Variants in KCNIP1 observed in about 807,000 individuals in gnomAD.
KCNIP1 encodes the protein A-type potassium channel modulatory protein KCNIP1.
In KCNIP1, 18 loss-of-function variants were observed where a neutral mutation model predicts 33.0. The observed-to-expected ratio is 0.55, with a 90% CI of 0.38 to 0.81. The LOEUF (loss-of-function observed/expected upper bound fraction) is 0.81. Among genes scored for constraint, KCNIP1 ranks in the 30% least tolerant of loss-of-function variants. KCNIP1 has a pLI of 0.00. For synonymous variants in KCNIP1, 93 were observed against 98.3 expected (o/e 0.95, Z 0.32); for missense variants, 238 against 271.6 (o/e 0.88, Z 0.87).
intron 3 of KCNIP1, 25 bp downstream of exon 3, chr5:170,720,415 T>C: frequency 6.4e-7 from 1 of 1,567,930 alleles, no homozygotes; most frequent in Non-Finnish European, 8.8e-7. Flanking sequence ...GAAATCTATC[T>C]TGCCCAGCTC....
chr5:170,410,906 C>T (rs1156829571), intron 1 of KCNIP1, among the ~76,000 whole-genome samples: 2 of 152,114 alleles, frequency 1.3e-5, no homozygotes, highest in Non-Finnish European at 2.9e-5. Flanking sequence ...CAGAGTCCTG[C>T]CTTTTACTGT....
rs1755935652 is a variant in KCNIP1 at position 170,439,373 on chromosome 5, T to TGAG, written c.88+85412_88+85414dup. On this transcript the variant is annotated intron_variant, in intron 1 of 7. Transcript: ENST00000377360. ...AACCTGGCAGGCAGGCAGGCACAAG[T>TGAG]GAGGAACAAGGGCCCCGGGCTGGGC... Among the ~76,000 whole-genome samples the TGAG allele has an allele frequency of 2.0e-5, 3 of 152,124 alleles. No homozygotes were observed. The South Asian group carries it at 6.2e-4, about 32-fold the overall frequency.
chr5:170,580,974 T>A (rs1044485075), intron 1 of KCNIP1, among the ~76,000 whole-genome samples: 4 of 152,198 alleles, frequency 2.6e-5, no homozygotes, highest in African/African-American at 7.2e-5. Flanking sequence ...CAGATACAGA[T>A]GACCCAAATA....
At chr5:170,693,088 G>A (rs1477688874) in intron 1 of KCNIP1, among the ~76,000 whole-genome samples, 1 of 152,188 alleles carries the variant, frequency 6.6e-6, no homozygotes, top group East Asian at 1.9e-4. Context: ...CCTTTTTATT[G>A]CAGAGGGAAT....
chr5:170,635,558 A>G (rs769790865), intron 1 of KCNIP1, among the ~76,000 whole-genome samples: 8 of 152,204 alleles, frequency 5.3e-5, no homozygotes, highest in Non-Finnish European at 1.0e-4. Flanking sequence ...GTAGCTGTAT[A>G]CTAACCCTAG....
intron 1 of KCNIP1, among the ~76,000 whole-genome samples, chr5:170,510,081 A>G (rs889322538): frequency 6.6e-6 from 1 of 151,878 alleles, no homozygotes; most frequent in East Asian, 1.9e-4. Context: ...CTCTTCCTCC[A>G]TCTCCTCATT....
intron 1 of KCNIP1, among the ~76,000 whole-genome samples, chr5:170,713,278 T>A (rs1034548949): frequency 1.3e-5 from 2 of 152,260 alleles, no homozygotes; most frequent in Non-Finnish European, 2.9e-5. Flanking sequence ...TATTTCATAT[T>A]TATTTCCTAT....
intron 1 of KCNIP1, among the ~76,000 whole-genome samples, chr5:170,495,866 G>A (rs10066862): frequency 0.045 from 6,885 of 152,278 alleles, 378 homozygotes; most frequent in African/African-American, 0.13. Flanking sequence ...CACGAGGGCA[G>A]CTGAGACTCT....
chr5:170,472,675 C>T (rs898700741), intron 1 of KCNIP1, among the ~76,000 whole-genome samples: 11 of 146,052 alleles, frequency 7.5e-5, no homozygotes, highest in African/African-American at 2.3e-4. Flanking sequence ...TGAGAACATA[C>T]GACGTTTGGT....
intron 1 of KCNIP1, among the ~76,000 whole-genome samples, chr5:170,496,346 G>T (rs1757310718): frequency 6.6e-6 from 1 of 152,358 alleles, no homozygotes; most frequent in East Asian, 1.9e-4. Flanking sequence ...GGCAAGAGCA[G>T]CAGGAGGACT....
chr5:170,720,173 C>T, intron 2 of KCNIP1, 148 bp from the exon 3 acceptor site: 1 of 640,716 alleles, frequency 1.6e-6, no homozygotes. Flanking sequence ...CAGCTCCAGT[C>T]CTGAGATGGC....
chr5:170,428,054 A>G (rs1457412809), intron 1 of KCNIP1, among the ~76,000 whole-genome samples: 2 of 152,226 alleles, frequency 1.3e-5, no homozygotes, highest in African/African-American at 2.4e-5. Context: ...ACCATGCTCA[A>G]CTATTCCCTG....
chr5:170,355,915 G>A (rs1028345229), intron 1 of KCNIP1, among the ~76,000 whole-genome samples: 19 of 152,214 alleles, frequency 1.2e-4, no homozygotes, highest in Non-Finnish European at 1.2e-4. Flanking sequence ...TGTCTTAACC[G>A]CATCTGTCTT....
chr5:170,537,800 C>A (rs1461217062), intron 1 of KCNIP1, among the ~76,000 whole-genome samples: 1 of 152,074 alleles, frequency 6.6e-6, no homozygotes, highest in African/African-American at 2.4e-5. Flanking sequence ...TGCTTCTGTC[C>A]CAGGGCACTG....
At chr5:170,721,694 C>T in intron 3 of KCNIP1, 139 bp from the exon 4 acceptor site, 1 of 1,583,210 alleles carries the variant, frequency 6.3e-7, no homozygotes, top group Non-Finnish European at 8.6e-7. Context: ...AGTCAATGGG[C>T]CCCACTCCAT....
chr5:170,478,908 A>AT (rs1242210737), intron 1 of KCNIP1, among the ~76,000 whole-genome samples: 6 of 145,342 alleles, frequency 4.1e-5, no homozygotes, highest in Admixed American at 2.0e-4. Context: ...GAAAAGGAAG[A>AT]TAAAAAAAAA....
chr5:170,672,726 A>C (rs555930092), intron 1 of KCNIP1, among the ~76,000 whole-genome samples: 83 of 152,238 alleles, frequency 5.5e-4, no homozygotes, highest in Non-Finnish European at 1.0e-3. Flanking sequence ...CTCTGAAGAC[A>C]AATGTCTTCC....
At chr5:170,603,185 C>T (rs1237666502) in intron 1 of KCNIP1, among the ~76,000 whole-genome samples, 6 of 152,190 alleles carry the variant, frequency 3.9e-5, no homozygotes, top group African/African-American at 4.8e-5. Context: ...GGACCAAATC[C>T]CTTTCCGTTG....
chr5:170,514,757 C>G (rs1249268353), intron 1 of KCNIP1, among the ~76,000 whole-genome samples: 3 of 152,124 alleles, frequency 2.0e-5, no homozygotes, highest in Non-Finnish European at 4.4e-5. Context: ...GGAGTTGGAA[C>G]CAGACAGGAA....
Sources: allele counts gnomAD v4.1 joint callset (sites outside exome capture counted in the v4.1 genomes callset), GRCh38; gene constraint gnomAD v4.1.1; transcripts MANE v1.5; gene names NCBI Gene and HGNC (gene_info 2026-07-23, HGNC 2026-07-21).